Variants in SH3BP2 observed in about 807,000 individuals in gnomAD.
SH3BP2 encodes SH3 domain binding protein 2.
A neutral mutation model predicts 56.2 loss-of-function variants in SH3BP2; 38 were observed. The ratio of observed to expected loss-of-function variants is 0.68; its 90% CI spans 0.52 to 0.89. SH3BP2 has a LOEUF of 0.89. Ranked by LOEUF, SH3BP2 falls within the 40% of genes least tolerant of loss-of-function variation. The pLI, the probability that SH3BP2 is intolerant of heterozygous loss-of-function variation, is 0.00. For missense variants in SH3BP2, 748 were observed against 762.6 expected, an observed-to-expected ratio of 0.98 and a Z score of 0.23; for synonymous variants, 346 against 316.7, an observed-to-expected ratio of 1.09 and a Z score of -0.98.
Position 2,836,375 on chromosome 4 carries a change from G to A in SH3BP2, c.*2541G>A, listed in dbSNP as rs1447387475. Reference sequence around the variant, plus strand: ...GTTCTAGTCCACATATAAGGGTAGGGTTGGGATTACCATTTACTGACCACA... The same window carrying A: ...GTTCTAGTCCACATATAAGGGTAGGATTGGGATTACCATTTACTGACCACA... On this transcript the variant is annotated 3_prime_UTR_variant, in exon 13 of 13. Transcript: ENST00000503393. The A allele has an allele frequency of 6.6e-6, 1 of 152,230 alleles. No homozygotes were observed. The allele number at this position is 152,230 out of a possible 1,614,324, so 9.4% of individuals were successfully genotyped here.
intron 1 of SH3BP2, chr4:2,799,223 C>A: frequency 2.0e-6 from 2 of 985,498 alleles, no homozygotes; most frequent in Non-Finnish European, 1.2e-6. Flanking sequence ...GGGGTGGAAT[C>A]TCTGAAATGC....
intron 1 of SH3BP2, among the ~76,000 whole-genome samples, chr4:2,813,819 ATGAG>A (rs1723870834): frequency 1.3e-5 from 2 of 152,260 alleles, no homozygotes; most frequent in African/African-American, 2.4e-5. Context: ...ATGCGGGAGA[ATGAG>A]TGTGTATATA....
chr4:2,826,162 G>A (rs1724603590), intron 5 of SH3BP2, among the ~76,000 whole-genome samples: 2 of 152,276 alleles, frequency 1.3e-5, no homozygotes, highest in Admixed American at 6.5e-5. Flanking sequence ...TGGGCCAGAA[G>A]GGGCACCTAG....
chr4:2,793,237 C>G (rs231337), intron 1 of SH3BP2, 99 bp downstream of exon 1: 2 of 133,556 alleles, frequency 1.5e-5, no homozygotes, highest in African/African-American at 2.8e-5. Context: ...GGTCTGGGGG[C>G]TCTCGGCGGG....
chr4:2,794,833 A>G (rs550657361), intron 1 of SH3BP2, among the ~76,000 whole-genome samples: 1 of 152,004 alleles, frequency 6.6e-6, no homozygotes, highest in Non-Finnish European at 1.5e-5. Flanking sequence ...GGAGCTCCCC[A>G]CCCCCCAGGG....
intron 1 of SH3BP2, among the ~76,000 whole-genome samples, chr4:2,801,797 C>T (rs1352886926): frequency 6.6e-6 from 1 of 152,218 alleles, no homozygotes; most frequent in Non-Finnish European, 1.5e-5. Flanking sequence ...GGGAAAAAAA[C>T]CCATGTTAGA....
chr4:2,825,290 A>AGGACG lies in SH3BP2; in HGVS notation c.428+95_428+96insGACGG, dbSNP rs1724544844. On this transcript the variant is annotated intron_variant, in intron 5 of 12. Transcript: ENST00000503393. ...CGCCTCCCAGCCCCGGGCTTGGCAT[A>AGGACG]GAATTCCGTCCTTAAAGGTTTCCTG... 4 of 1,060,430 alleles carry AGGACG rather than the reference A, an allele frequency of 3.8e-6. No individual in the cohort carries two copies. In the Admixed American group the frequency reaches 8.0e-5, roughly 21 times the overall value. The allele number at this position is 1,060,430 out of a possible 1,614,324, so 65.7% of individuals were successfully genotyped here.
intron 1 of SH3BP2, among the ~76,000 whole-genome samples, chr4:2,804,192 C>T (rs879390942): frequency 1.3e-5 from 2 of 152,180 alleles, no homozygotes; most frequent in African/African-American, 2.4e-5. Context: ...CCTTCTGTCC[C>T]GGCACCGCCT....
At chr4:2,815,691 C>G (rs1430151685) in intron 1 of SH3BP2, among the ~76,000 whole-genome samples, 1 of 152,194 alleles carries the variant, frequency 6.6e-6, no homozygotes, top group Non-Finnish European at 1.5e-5. Flanking sequence ...GGTGTGATGC[C>G]CCAGGGTAGG....
Position 2,833,879 on chromosome 4 carries a change from T to C in SH3BP2, c.*45T>C. On this transcript the variant is annotated 3_prime_UTR_variant, in exon 13 of 13. Coordinates refer to ENST00000503393, the MANE Select transcript of SH3BP2 (RefSeq NM_001122681.2). ...CAGGCCAAGGCAGTCACAGGGGCCC[T>C]GACCCCAGGCCACACAGACGGACAT... 1 of 1,528,972 alleles carries C rather than the reference T, an allele frequency of 6.5e-7. No homozygotes were observed. Among genetic ancestry groups the C allele is most frequent in the East Asian group, 2.4e-5 (1 of 40,830 alleles). The allele number at this position is 1,528,972 out of a possible 1,614,324, so 94.7% of individuals were successfully genotyped here. A position where few individuals can be genotyped will look rare whatever the true frequency, so the allele number is the denominator to read the frequency against.
chr4:2,802,402 ATATGTGTGTGTG>A (rs1370310194), intron 1 of SH3BP2, among the ~76,000 whole-genome samples: 56 of 100,428 alleles, frequency 5.6e-4, no homozygotes, highest in African/African-American at 1.2e-3. Flanking sequence ...TCAAAAAAAT[ATATGTGTGTGTG>A]TGTGTGTGTG....
Position 2,829,562 on chromosome 4 carries a change from A to T in SH3BP2, c.656A>T (p.Asp219Val), listed in dbSNP as rs150572069. ...ACGCCCAGGAAGCCAGCCTTCTCTG[A>T]CATGCCCCGGGCCCACTCCTTTACC... Reference protein sequence around the residue: ...VPTPRKPAFSDMPRAHSFTSK... With the variant: ...VPTPRKPAFSVMPRAHSFTSK... The change falls in exon 8 of 13, where the codon GAC becomes GTC. Residue 219 changes from aspartate to valine, a missense_variant. Asp to Val is a radical substitution (Grantham distance 152). Coordinates refer to ENST00000503393, the MANE Select transcript of SH3BP2 (RefSeq NM_001122681.2). The surrounding 1 kb of genome is among the most constrained non-coding windows in gnomAD (Gnocchi z 4.9). The T allele has an allele frequency of 4.3e-5, 69 of 1,613,276 alleles. No individual in the cohort carries two copies. The South Asian group carries it at 5.5e-4, about 13-fold the overall frequency.
Position 2,831,964 on chromosome 4 carries a change from C to T in SH3BP2, c.1392C>T (p.Ser464=), listed in dbSNP as rs1221523656. Residue 464 remains serine, a synonymous_variant, in exon 10 of 13, where the codon TCC becomes TCT. Coordinates refer to ENST00000503393, the MANE Select transcript of SH3BP2 (RefSeq NM_001122681.2). The surrounding 1 kb of genome is among the most constrained non-coding windows in gnomAD (Gnocchi z 4.1). Reference sequence around the variant, plus strand: ...CGGTCTTCGTCAACACCACGGAGTCCTGCGAAGTGGAAAGGTCAGCACAAA... The same window carrying T: ...CGGTCTTCGTCAACACCACGGAGTCTTGCGAAGTGGAAAGGTCAGCACAAA... The part of the protein sequence containing the change: ...PNSVFVNTTE[S]CEVERLFKAT... The T allele has an allele frequency of 3.7e-6, 6 of 1,612,960 alleles. No homozygotes were observed. The East Asian group carries it at 1.1e-4, about 30-fold the overall frequency.
At chr4:2,813,524 CCTGGT>C (rs1723855595) in intron 1 of SH3BP2, among the ~76,000 whole-genome samples, 3 of 152,120 alleles carry the variant, frequency 2.0e-5, no homozygotes, top group Non-Finnish European at 2.9e-5. Context: ...TCAGGTGGAC[CCTGGT>C]CGATTTAGTG....
chr4:2,806,917 G>T (rs1723558163), intron 1 of SH3BP2, among the ~76,000 whole-genome samples: 2 of 152,282 alleles, frequency 1.3e-5, no homozygotes, highest in Admixed American at 1.3e-4. Flanking sequence ...GCTTGGCCTT[G>T]CTCTCTGAAG....
intron 7 of SH3BP2, among the ~76,000 whole-genome samples, chr4:2,828,343 C>A (rs568393522): frequency 6.6e-6 from 1 of 152,034 alleles, no homozygotes; most frequent in Admixed American, 6.6e-5. Context: ...CTGACTTGGC[C>A]TCTGCCGACC....
chr4:2,826,113 C>T (rs1027277775), intron 5 of SH3BP2, among the ~76,000 whole-genome samples: 4 of 152,258 alleles, frequency 2.6e-5, no homozygotes, highest in Admixed American at 6.5e-5. Context: ...GAGGCAGGAG[C>T]AGGTGGAGAC....
rs76687156 is a variant in SH3BP2, at chr4:2,798,201, C to T, written c.-5+5063C>T. Among the ~76,000 whole-genome samples the T allele has an allele frequency of 4.3e-3, 661 of 152,272 alleles. 6 individuals carry two copies. The highest frequency in any genetic ancestry group is 0.015 in the African/African-American group (623 of 41,558). On this transcript the variant is annotated intron_variant, in intron 1 of 12. Transcript: ENST00000503393. ...AGCCTGGTGAGGAAGAGCCGCCGAG[C>T]GGAGTCGGTGTCCCCTGTCCTCTCC...
intron 1 of SH3BP2, chr4:2,818,310 C>T: frequency 9.1e-7 from 1 of 1,099,318 alleles, no homozygotes; most frequent in Non-Finnish European, 1.1e-6. Context: ...GGGGACGCGG[C>T]CCGGGGCCGT....
Sources: gnomAD v4.1 joint callset for allele counts (sites outside exome capture counted in the v4.1 genomes callset) on GRCh38, gnomAD v4.1.1 for gene constraint, Gnocchi (gnomAD v3.1) non-coding constraint, MANE v1.5 for transcripts, NCBI Gene and HGNC (gene_info 2026-07-23, HGNC 2026-07-21) for gene names.